The following AIG1 variants were observed in gnomAD, a reference collection of about 807,000 sequenced individuals.
AIG1 encodes androgen-induced gene 1 protein.
A neutral mutation model predicts 31.4 loss-of-function variants in AIG1; 23 were observed. That is an observed-to-expected ratio of 0.73 (90% CI 0.53 to 1.04). The LOEUF (loss-of-function observed/expected upper bound fraction) is 1.04, where lower values mean the gene tolerates loss of function less well. Ranked by LOEUF, AIG1 falls within the 50% of genes least tolerant of loss-of-function variation. The pLI, the probability that AIG1 is intolerant of heterozygous loss-of-function variation, is 0.00. For missense variants in AIG1, 274 were observed against 295.0 expected (o/e 0.93, Z 0.52); for synonymous variants, 100 against 110.5 (o/e 0.90, Z 0.60).
chr6:143,296,215 T>G (rs1317722430), intron 4 of AIG1, among the ~76,000 whole-genome samples: 6 of 152,184 alleles, frequency 3.9e-5, no homozygotes, highest in African/African-American at 1.2e-4. Flanking sequence ...CCTGCCTGAT[T>G]CATTTAAATT....
In AIG1 at chr6:143,307,530, G is replaced by A. The variant is rs1432777971; in HGVS notation, c.515+23305G>A. On this transcript the variant is annotated intron_variant, in intron 4 of 5. Transcript: ENST00000357847. ...AGAACAGTGGATTTTCGTGAACCGC[G>A]AATGCTGCTGTCTGATCGTTCCTCT... is the stretch of plus-strand genomic sequence containing the variant. Among the ~76,000 whole-genome samples, 6 of 152,176 alleles carry A rather than the reference G, an allele frequency of 3.9e-5. No homozygotes were observed. In the South Asian group the frequency reaches 6.2e-4, roughly 16 times the overall value.
Position 143,152,914 on chromosome 6 carries a change from T to A in AIG1, c.298-12168T>A, listed in dbSNP as rs559384447. Reference sequence around the variant, plus strand: ...AGAAAATCAAACCTAATAGCCATCATTCTCATGTTTTGGTCAGTGGCAAAA... The same window carrying A: ...AGAAAATCAAACCTAATAGCCATCAATCTCATGTTTTGGTCAGTGGCAAAA... On this transcript the variant is annotated intron_variant, in intron 2 of 5. Transcript: ENST00000357847. Among the ~76,000 whole-genome samples the A allele has an allele frequency of 2.0e-5, 3 of 152,326 alleles. No homozygotes were observed. The East Asian group carries it at 5.8e-4, about 29-fold the overall frequency.
chr6:143,276,664 C>CTA (rs1292657320), intron 3 of AIG1, among the ~76,000 whole-genome samples: 1 of 148,218 alleles, frequency 6.7e-6, no homozygotes, highest in Non-Finnish European at 1.5e-5. Flanking sequence ...GAAACAGAAA[C>CTA]TATAGTGGCT....
chr6:143,081,794 C>T (rs1441936657), intron 1 of AIG1, among the ~76,000 whole-genome samples: 2 of 152,086 alleles, frequency 1.3e-5, no homozygotes, highest in Admixed American at 6.6e-5. Context: ...ACTATGTCCT[C>T]GTGAGTTTCC....
intron 3 of AIG1, among the ~76,000 whole-genome samples, chr6:143,228,726 T>C (rs964372282): frequency 5.3e-5 from 8 of 152,236 alleles, no homozygotes; most frequent in African/African-American, 1.9e-4. Context: ...AAGTGATGAA[T>C]TGGCCCCAAG....
rs886368324 is a variant in AIG1, at chr6:143,325,001, T to C, written c.516-8281T>C. Among the ~76,000 whole-genome samples, 2 of 152,202 alleles carry C rather than the reference T, an allele frequency of 1.3e-5. No individual in the cohort carries two copies. ...AATGTCATTTTTTCAACTGACTATA[T>C]ATCATTTATACCCAGTCAACATCCA... On this transcript the variant is annotated intron_variant, in intron 4 of 5. Coordinates refer to ENST00000357847, the MANE Select transcript of AIG1 (RefSeq NM_016108.4). The surrounding 1 kb of genome is among the most constrained non-coding windows in gnomAD (Gnocchi z 4.3).
chr6:143,260,912 C>A (rs1053976316), intron 3 of AIG1, among the ~76,000 whole-genome samples: 12 of 152,154 alleles, frequency 7.9e-5, no homozygotes, highest in East Asian at 1.9e-4. Flanking sequence ...CCTTCACCCC[C>A]CCGCCATCCC....
At chr6:143,164,716 T>C (rs1443969983) in intron 2 of AIG1, among the ~76,000 whole-genome samples, 1 of 152,114 alleles carries the variant, frequency 6.6e-6, no homozygotes, top group Admixed American at 6.5e-5. Context: ...TAACTCTAGA[T>C]AGTGGGTAAT....
At chr6:143,276,011 C>G (rs1201906808) in intron 3 of AIG1, among the ~76,000 whole-genome samples, 1 of 152,184 alleles carries the variant, frequency 6.6e-6, no homozygotes, top group Non-Finnish European at 1.5e-5. Context: ...AGAGAAAATA[C>G]ACACCGCACT....
At chr6:143,188,614 C>T (rs1200621106) in intron 3 of AIG1, 103 of 985,058 alleles carry the variant, frequency 1.0e-4, no homozygotes, top group Non-Finnish European at 1.1e-4. Flanking sequence ...TGCCAGCTCT[C>T]AGATTTGTAT....
At chr6:143,190,426 G>A in intron 3 of AIG1, 2 of 985,390 alleles carry the variant, frequency 2.0e-6, no homozygotes, top group Non-Finnish European at 2.4e-6. Flanking sequence ...ATCTTTTGGT[G>A]TAAACATTTT....
At position 143,327,632 on chromosome 6, in the gene AIG1, A is replaced by T. The variant is rs1583884001; in HGVS notation, c.516-5650A>T. On this transcript the variant is annotated intron_variant, in intron 4 of 5. Coordinates refer to ENST00000357847, the MANE Select transcript of AIG1 (RefSeq NM_016108.4). This position sits in a 1 kb window ranked among gnomAD's most constrained non-coding sequence, Gnocchi z 5.3. ...TGTTACCACTTTCAAAAATCTGCAG[A>T]TAGTCAATGTGGATGAGAACTAACT... 5 of 285,996 alleles carry T rather than the reference A, an allele frequency of 1.7e-5. No homozygotes were observed. The highest frequency in any genetic ancestry group is 4.6e-5 in the Admixed American group (1 of 21,710). 17.7% of individuals were successfully genotyped at this position (285,996 alleles called of 1,614,324 possible).
Position 143,325,582 on chromosome 6 carries a change from A to G in AIG1, c.516-7700A>G, listed in dbSNP as rs973846711. Among the ~76,000 whole-genome samples, 4 of 152,170 alleles carry G rather than the reference A, an allele frequency of 2.6e-5. No homozygotes were observed. Among genetic ancestry groups the G allele is most frequent in the Non-Finnish European group, 4.4e-5 (3 of 68,032 alleles). The stretch of plus-strand genomic sequence containing the variant: ...AATGGCAGCTGTTTCCACCCTGCTA[A>G]TCAAGCCAGGAATCTGTGATTAATC... On this transcript the variant is annotated intron_variant, in intron 4 of 5. Coordinates refer to ENST00000357847, the MANE Select transcript of AIG1 (RefSeq NM_016108.4). This position sits in a 1 kb window ranked among gnomAD's most constrained non-coding sequence, Gnocchi z 4.3.
At chr6:143,176,110 C>T (rs887198506) in intron 3 of AIG1, among the ~76,000 whole-genome samples, 1 of 152,190 alleles carries the variant, frequency 6.6e-6, no homozygotes, top group African/African-American at 2.4e-5. Flanking sequence ...AGCTGCCAGG[C>T]TCTGGCTTGG....
At chr6:143,075,572 C>T (rs1777663599) in intron 1 of AIG1, among the ~76,000 whole-genome samples, 1 of 152,166 alleles carries the variant, frequency 6.6e-6, no homozygotes, top group African/African-American at 2.4e-5. Flanking sequence ...TCCTAAAGTG[C>T]TAAGACCACA....
intron 5 of AIG1, among the ~76,000 whole-genome samples, chr6:143,335,776 A>G (rs774367197): frequency 7.9e-5 from 12 of 151,788 alleles, no homozygotes; most frequent in Non-Finnish European, 1.3e-4. Flanking sequence ...CCAACATTGC[A>G]AAACTCCATC....
chr6:143,313,313 A>G (rs959660444), intron 4 of AIG1, among the ~76,000 whole-genome samples: 8 of 152,210 alleles, frequency 5.3e-5, no homozygotes, highest in African/African-American at 1.9e-4. Context: ...TGTGTCCAAA[A>G]ACAGATGAAT....
chr6:143,148,317 A>AACCAAACCCTGTTTT (rs1784875509), intron 2 of AIG1, among the ~76,000 whole-genome samples: 1 of 147,956 alleles, frequency 6.8e-6, no homozygotes, highest in African/African-American at 2.5e-5. Flanking sequence ...CCTGGGGAAC[A>AACCAAACCCTGTTTT]TAGTGAGATC....
intron 2 of AIG1, among the ~76,000 whole-genome samples, chr6:143,141,401 G>A (rs1197676027): frequency 6.6e-6 from 1 of 152,204 alleles, no homozygotes; most frequent in Non-Finnish European, 1.5e-5. Context: ...TGTGACCCAT[G>A]CACCTAGTGC....
Sources: allele counts gnomAD v4.1 joint callset (sites outside exome capture counted in the v4.1 genomes callset), GRCh38; gene constraint gnomAD v4.1.1; non-coding constraint Gnocchi (gnomAD v3.1); transcripts MANE v1.5; gene names NCBI Gene and HGNC (gene_info 2026-07-23, HGNC 2026-07-21).